TAF3: variants seen among roughly 807,000 people sequenced by gnomAD.
TAF3 encodes the protein transcription initiation factor TFIID subunit 3.
In TAF3, 7 loss-of-function variants were observed where a neutral mutation model predicts 80.6. The observed-to-expected ratio is 0.09, with a 90% CI of 0.05 to 0.16. The LOEUF is 0.16. Ranked by LOEUF, TAF3 falls within the 10% of genes least tolerant of loss-of-function variation. The probability of loss-of-function intolerance (pLI) is 1.00; values close to 1 mark genes in which losing one functional copy is unlikely to be tolerated. For synonymous variants in TAF3, 444 were observed against 446.1 expected (o/e 1.00, Z 0.06); for missense variants, 921 against 1,140.2 (o/e 0.81, Z 2.77).
chr10:7,994,989 A>AG (rs1210950561), intron 4 of TAF3, among the ~76,000 whole-genome samples: 35 of 150,784 alleles, frequency 2.3e-4, no homozygotes, highest in African/African-American at 6.8e-4. Flanking sequence ...AAAAAAAAAA[A>AG]AAAAAAGAAA....
chr10:7,918,111 G>A (rs1228350262), intron 2 of TAF3, among the ~76,000 whole-genome samples: 2 of 152,202 alleles, frequency 1.3e-5, no homozygotes, highest in Non-Finnish European at 2.9e-5. Context: ...GAAGAACAGA[G>A]GCCTTGAGTA....
intron 2 of TAF3, among the ~76,000 whole-genome samples, chr10:7,885,991 C>T (rs537488643): frequency 7.9e-5 from 12 of 152,156 alleles, no homozygotes; most frequent in South Asian, 4.1e-4. Flanking sequence ...TGTAGTGGCG[C>T]GACGATGGCT....
intron 2 of TAF3, among the ~76,000 whole-genome samples, chr10:7,888,578 C>A (rs1399300345): frequency 6.6e-6 from 1 of 152,130 alleles, no homozygotes; most frequent in African/African-American, 2.4e-5. Flanking sequence ...TGCTTTCAGT[C>A]TACAGTGATG....
At chr10:7,831,730 T>C (rs1836802590) in intron 2 of TAF3, among the ~76,000 whole-genome samples, 1 of 152,146 alleles carries the variant, frequency 6.6e-6, no homozygotes. Flanking sequence ...CTGAGTCCTT[T>C]TGACACATGA....
rs1392279138 is a variant in TAF3 at position 7,823,965 on chromosome 10, A to G, written c.167-353A>G. 8.6e-5 allele frequency among the ~76,000 whole-genome samples: 13 copies of G among 152,012 alleles called. No homozygotes were observed. In the Middle Eastern group the frequency reaches 0.01, roughly 119 times the overall value. On this transcript the variant is annotated intron_variant, in intron 1 of 6. Transcript: ENST00000344293. ...TCTCTTAAAAAAAAAAAAAAAGACA[A>G]AACACTATTTTATTATTATTATTTT...
intron 2 of TAF3, among the ~76,000 whole-genome samples, chr10:7,854,030 A>C (rs1837054027): frequency 6.6e-6 from 1 of 152,228 alleles, no homozygotes; most frequent in African/African-American, 2.4e-5. Flanking sequence ...GAAGAAACAC[A>C]CACACAATCA....
intron 2 of TAF3, among the ~76,000 whole-genome samples, chr10:7,893,826 A>C (rs545704056): frequency 6.6e-6 from 1 of 152,240 alleles, no homozygotes; most frequent in South Asian, 2.1e-4. Context: ...TCCTTCTTAC[A>C]TAAATTGATC....
At chr10:7,854,402 C>T (rs1201271555) in intron 2 of TAF3, among the ~76,000 whole-genome samples, 1 of 152,152 alleles carries the variant, frequency 6.6e-6, no homozygotes, top group Non-Finnish European at 1.5e-5. Context: ...ATGCGAGCCG[C>T]AGCGAGATAC....
At chr10:7,819,271 G>A (rs1452583838) in intron 1 of TAF3, among the ~76,000 whole-genome samples, 1 of 152,000 alleles carries the variant, frequency 6.6e-6, no homozygotes, top group African/African-American at 2.4e-5. Context: ...ACTACAACTA[G>A]TTGTCACAGG....
chr10:7,891,824 T>C (rs989292586), intron 2 of TAF3, among the ~76,000 whole-genome samples: 4 of 152,228 alleles, frequency 2.6e-5, no homozygotes, highest in Non-Finnish European at 5.9e-5. Context: ...CTAAATAGTT[T>C]ACATGCATCT....
intron 2 of TAF3, among the ~76,000 whole-genome samples, chr10:7,895,692 A>G (rs964662125): frequency 6.6e-6 from 1 of 151,650 alleles, no homozygotes; most frequent in Non-Finnish European, 1.5e-5. Flanking sequence ...GAGACTTTCC[A>G]TTGCACACAT....
intron 2 of TAF3, among the ~76,000 whole-genome samples, chr10:7,904,010 G>T (rs991462960): frequency 6.6e-6 from 1 of 152,126 alleles, no homozygotes; most frequent in Non-Finnish European, 1.5e-5. Context: ...GAAGTTTCAC[G>T]GTGCGTCTGA....
At chr10:7,987,461 C>T (rs575305329) in intron 4 of TAF3, among the ~76,000 whole-genome samples, 102 of 152,182 alleles carry the variant, frequency 6.7e-4, no homozygotes, top group African/African-American at 2.4e-3. Context: ...TTTATCTTGC[C>T]AGTCACCAGT....
intron 2 of TAF3, among the ~76,000 whole-genome samples, chr10:7,927,299 C>A (rs1351656370): frequency 1.3e-5 from 2 of 152,230 alleles, no homozygotes; most frequent in African/African-American, 4.8e-5. Context: ...TCTCTCCATT[C>A]TCCACTCACA....
intron 2 of TAF3, among the ~76,000 whole-genome samples, chr10:7,850,947 G>A (rs1004699770): frequency 6.6e-6 from 1 of 152,010 alleles, no homozygotes; most frequent in Non-Finnish European, 1.5e-5. Flanking sequence ...TTCTCTGATT[G>A]TGTGTGCCAG....
chr10:7,843,797 TTCACTAC>T (rs1836942527), intron 2 of TAF3, among the ~76,000 whole-genome samples: 3 of 152,102 alleles, frequency 2.0e-5, no homozygotes, highest in Non-Finnish European at 4.4e-5. Context: ...ATAATTCATT[TTCACTAC>T]ATATTATGTA....
At chr10:7,944,908 G>T (rs1272661682) in intron 2 of TAF3, among the ~76,000 whole-genome samples, 2 of 152,182 alleles carry the variant, frequency 1.3e-5, no homozygotes. Context: ...CCAGAATTTT[G>T]TCAAGGTCAT....
chr10:7,937,378 T>A (rs1333036811), intron 2 of TAF3, among the ~76,000 whole-genome samples: 1 of 152,244 alleles, frequency 6.6e-6, no homozygotes, highest in Non-Finnish European at 1.5e-5. Context: ...TTGGTCATTC[T>A]AATAGGTGTG....
chr10:7,941,391 C>T (rs1397112531), intron 2 of TAF3, among the ~76,000 whole-genome samples: 5 of 152,196 alleles, frequency 3.3e-5, no homozygotes, highest in African/African-American at 9.6e-5. Flanking sequence ...AGATACAGGT[C>T]AGCAGGGTGG....
Sources: allele counts gnomAD v4.1 joint callset (sites outside exome capture counted in the v4.1 genomes callset), GRCh38; gene constraint gnomAD v4.1.1; transcripts MANE v1.5; gene names NCBI Gene and HGNC (gene_info 2026-07-23, HGNC 2026-07-21).